The following ZNF697 variants were observed in gnomAD, a reference collection of about 807,000 sequenced individuals.
ZNF697 encodes the protein zinc finger protein 697.
Under a neutral mutation model 32.4 loss-of-function variants are expected in ZNF697, and 23 were observed. That is an observed-to-expected ratio of 0.71 (90% CI 0.51 to 1.01). The LOEUF is 1.01. Ranked by LOEUF, ZNF697 falls within the 50% of genes least tolerant of loss-of-function variation. The pLI is 0.00. For missense variants in ZNF697, 930 were observed against 794.0 expected, an observed-to-expected ratio of 1.17 and a Z score of -2.06; for synonymous variants, 418 against 337.2, an observed-to-expected ratio of 1.24 and a Z score of -2.62.
At position 119,621,263 on chromosome 1, in the gene ZNF697, A is replaced by C. The variant is rs1648300570; in HGVS notation, c.*1442T>G. 6.6e-6 allele frequency: 1 copy of C among 152,314 alleles called. No homozygotes were observed. The highest frequency in any genetic ancestry group is 6.5e-5 in the Admixed American group (1 of 15,284). 9.4% of individuals were successfully genotyped at this position (152,314 alleles called of 1,614,324 possible). ...TAGCAGCTGAGCTGGAGAATGCAAAAGGTCAGGCTACAATTATTCACACTG... is the reference window on the plus strand; with the variant it reads ...TAGCAGCTGAGCTGGAGAATGCAAACGGTCAGGCTACAATTATTCACACTG... On this transcript the variant is annotated 3_prime_UTR_variant, in exon 3 of 3. Coordinates refer to ENST00000421812, the MANE Select transcript of ZNF697 (RefSeq NM_001080470.2).
rs587734493 is a variant in ZNF697, at chr1:119,648,202, TTGGC to T, written c.-553_-550del. 0.18 allele frequency among the ~76,000 whole-genome samples: 27,530 copies of T among 150,312 alleles called. 2,667 individuals carry two copies. The highest frequency in any genetic ancestry group is 0.36 in the East Asian group (1,816 of 5,012). On this transcript the variant is annotated 5_prime_UTR_variant, in exon 1 of 3. Coordinates refer to ENST00000421812, the MANE Select transcript of ZNF697 (RefSeq NM_001080470.2). ...GCTGGGTGGCCCGCTGGCTGGCTGG[TTGGC>T]TGGCTGGCTGGCTGGCTGGCTGGCT...
Position 119,623,977 on chromosome 1 carries a change from CTCG to C in ZNF697, c.363_365del (p.Asp121del). The C allele has an allele frequency of 2.5e-6, 4 of 1,610,118 alleles. No individual in the cohort carries two copies. The highest frequency in any genetic ancestry group is 1.1e-5 in the South Asian group (1 of 90,030). On this transcript the variant is annotated inframe_deletion, in exon 3 of 3. Coordinates refer to ENST00000421812, the MANE Select transcript of ZNF697 (RefSeq NM_001080470.2). ...CCTCCAGCCGGTTCTCCCCAGCACT[CTCG>C]TCGTCGTCCTCCCGGAGGCTCCGGG...
chr1:119,631,545 C>G (rs1031350153), intron 1 of ZNF697, among the ~76,000 whole-genome samples: 2 of 152,240 alleles, frequency 1.3e-5, no homozygotes, highest in Non-Finnish European at 2.9e-5. Flanking sequence ...CAGCCCCGAC[C>G]AGCAGGGACG....
intron 1 of ZNF697, among the ~76,000 whole-genome samples, chr1:119,632,978 C>G (rs1252951665): frequency 6.6e-6 from 1 of 152,004 alleles, no homozygotes; most frequent in Non-Finnish European, 1.5e-5. Flanking sequence ...TGTTTTACAC[C>G]CTCAGTTGTT....
intron 1 of ZNF697, among the ~76,000 whole-genome samples, chr1:119,630,365 C>T (rs1397320241): frequency 6.6e-6 from 1 of 152,224 alleles, no homozygotes; most frequent in Non-Finnish European, 1.5e-5. Flanking sequence ...TCTTAATCCC[C>T]AAACATTCCA....
At position 119,623,869 on chromosome 1, in the gene ZNF697, G is replaced by A. The variant is rs939742106; in HGVS notation, c.474C>T (p.Pro158=). 2 of 1,541,374 alleles carry A rather than the reference G, an allele frequency of 1.3e-6. No individual in the cohort carries two copies. Among genetic ancestry groups the A allele is most frequent in the Admixed American group, 1.9e-5 (1 of 51,772 alleles). The part of the protein sequence containing the change: ...SLGSRHRGDK[P]AHRRFHRLHH... ...GGAGCCGGTGGAAGCGGCGGTGGGC[G>A]GGCTTGTCACCTCGGTGCCGACTCC... Residue 158 remains proline (P), a synonymous_variant, in exon 3 of 3, where the codon CCC becomes CCT. Coordinates refer to ENST00000421812, the MANE Select transcript of ZNF697 (RefSeq NM_001080470.2).
At chr1:119,633,356 A>ATGTGTGTGTGTGTGTGTGTGTG (rs58387828) in intron 1 of ZNF697, among the ~76,000 whole-genome samples, 7 of 143,258 alleles carry the variant, frequency 4.9e-5, no homozygotes, top group African/African-American at 1.8e-4. Context: ...AACCAATAGG[A>ATGTGTGTGTGTGTGTGTGTGTG]TGTGTGTGTG....
At chr1:119,626,522 T>TG (rs1209760045) in intron 1 of ZNF697, among the ~76,000 whole-genome samples, 1 of 152,170 alleles carries the variant, frequency 6.6e-6, no homozygotes, top group African/African-American at 2.4e-5. Flanking sequence ...TTATAAGCAG[T>TG]AGAGTGGGGA....
intron 1 of ZNF697, among the ~76,000 whole-genome samples, chr1:119,626,963 A>C (rs7518078): frequency 0.022 from 3,426 of 152,340 alleles, 130 homozygotes; most frequent in African/African-American, 0.079. Context: ...TCTACAGAAA[A>C]GGCCAACATG....
intron 2 of ZNF697, among the ~76,000 whole-genome samples, chr1:119,625,026 G>C (rs1648533899): frequency 6.6e-6 from 1 of 151,980 alleles, no homozygotes; most frequent in South Asian, 2.1e-4. Flanking sequence ...AGAGATTACA[G>C]AGCCTAGAGC....
chr1:119,636,975 C>A (rs1281263116), intron 1 of ZNF697, among the ~76,000 whole-genome samples: 1 of 152,178 alleles, frequency 6.6e-6, no homozygotes, highest in East Asian at 1.9e-4. Context: ...AAGCTTGACC[C>A]CAGGTTTATG....
intron 1 of ZNF697, among the ~76,000 whole-genome samples, chr1:119,647,434 C>T (rs983406712): frequency 3.3e-5 from 5 of 152,212 alleles, no homozygotes; most frequent in South Asian, 2.1e-4. Flanking sequence ...TCTCTCCACC[C>T]ACCCGTCCTT....
Position 119,641,145 on chromosome 1 carries a change from A to G in ZNF697, c.-38+6546T>C, listed in dbSNP as rs79139510. Among the ~76,000 whole-genome samples, 2,956 of 152,324 alleles carry G rather than the reference A, an allele frequency of 0.019. 173 individuals carry two copies. In the East Asian group the frequency reaches 0.21, roughly 11 times the overall value. On this transcript the variant is annotated intron_variant, in intron 1 of 2. Transcript: ENST00000421812. Reference sequence around the variant, plus strand: ...TAAACACAAGCACATATTAGGAAGTAGAGAAACAGAAACAAAAGATGTCCT... The same window carrying G: ...TAAACACAAGCACATATTAGGAAGTGGAGAAACAGAAACAAAAGATGTCCT...
intron 1 of ZNF697, among the ~76,000 whole-genome samples, chr1:119,636,904 G>A (rs1469666722): frequency 1.3e-5 from 2 of 152,154 alleles, no homozygotes; most frequent in African/African-American, 4.8e-5. Flanking sequence ...TGCACTAAGA[G>A]GGAGGGAAGT....
At chr1:119,628,956 G>A (rs142167156) in intron 1 of ZNF697, among the ~76,000 whole-genome samples, 243 of 152,300 alleles carry the variant, frequency 1.6e-3, no homozygotes, top group South Asian at 2.7e-3. Context: ...CACTTTGGGG[G>A]CTTTGCAGCT....
At chr1:119,625,739 C>T in intron 2 of ZNF697, 136 bp downstream of exon 2, 1 of 1,216,676 alleles carries the variant, frequency 8.2e-7, no homozygotes, top group Non-Finnish European at 1.1e-6. Flanking sequence ...AGAGGCAAGT[C>T]AGTACAGAAT....
In ZNF697 at chr1:119,627,456, A is replaced by AG. The variant is rs202132114; in HGVS notation, c.-37-1320dup. Among the ~76,000 whole-genome samples the AG allele has an allele frequency of 2.3e-3, 344 of 152,346 alleles. 6 individuals are homozygous for AG. Among genetic ancestry groups the AG allele is most frequent in the Admixed American group, 0.019 (292 of 15,304 alleles). The stretch of plus-strand genomic sequence containing the variant: ...GGTAAGGCTACTTAACCTTTCTCAC[A>AG]GGGAGGGTGTTAGAAGGAAACTAAT... On this transcript the variant is annotated intron_variant, in intron 1 of 2. Coordinates refer to ENST00000421812, the MANE Select transcript of ZNF697 (RefSeq NM_001080470.2).
intron 1 of ZNF697, among the ~76,000 whole-genome samples, chr1:119,631,115 T>C (rs1215734929): frequency 6.6e-6 from 1 of 152,114 alleles, no homozygotes; most frequent in Non-Finnish European, 1.5e-5. Flanking sequence ...CAACCTGGAT[T>C]TTACATAGAA....
In ZNF697 at chr1:119,620,917, G is replaced by A. The variant is rs1168366996; in HGVS notation, c.*1788C>T. 6.6e-6 allele frequency: 1 copy of A among 150,380 alleles called. No homozygotes were observed. Among genetic ancestry groups the A allele is most frequent in the East Asian group, 1.9e-4 (1 of 5,170 alleles). 9.3% of individuals were successfully genotyped at this position (150,380 alleles called of 1,614,324 possible). On this transcript the variant is annotated 3_prime_UTR_variant, in exon 3 of 3. Transcript: ENST00000421812. Reference sequence around the variant, plus strand: ...CCCCTTCCACTGTGTCTGATATTTTGTGAAGATGCTTCCATGAAATGTGTA... The same window carrying A: ...CCCCTTCCACTGTGTCTGATATTTTATGAAGATGCTTCCATGAAATGTGTA...
Sources: allele counts gnomAD v4.1 joint callset (sites outside exome capture counted in the v4.1 genomes callset), GRCh38; gene constraint gnomAD v4.1.1; transcripts MANE v1.5; gene names NCBI Gene and HGNC (gene_info 2026-07-23, HGNC 2026-07-21).